PDE1C: variants seen among roughly 807,000 people sequenced by gnomAD.
PDE1C encodes the protein dual specificity calcium/calmodulin-dependent 3',5'-cyclic nucleotide phosphodiesterase 1C.
Under a neutral mutation model 93.1 loss-of-function variants are expected in PDE1C, and 62 were observed. That is an observed-to-expected ratio of 0.67 (90% confidence interval 0.54 to 0.82). PDE1C has a LOEUF of 0.82. PDE1C is among the 40% of genes least tolerant of loss of function. The pLI is 0.00. For missense variants in PDE1C, 742 were observed against 884.6 expected (o/e 0.84, Z 2.04); for synonymous variants, 325 against 310.1 (o/e 1.05, Z -0.50).
chr7:31,679,978 C>G, the PDE1C span, among the ~76,000 whole-genome samples: 7 of 152,196 alleles, frequency 4.6e-5, no homozygotes, highest in African/African-American at 1.2e-4. Context: ...TAGTTCTCTG[C>G]CGGCCTGTTC....
At chr7:31,684,296 A>G in the PDE1C span, among the ~76,000 whole-genome samples, 3 of 152,238 alleles carry the variant, frequency 2.0e-5, no homozygotes, top group Non-Finnish European at 1.5e-5. Context: ...AACTGTGGAA[A>G]TTAAGTGACA....
chr7:31,856,050 AT>A (rs913738410), intron 7 of PDE1C, among the ~76,000 whole-genome samples: 4 of 152,212 alleles, frequency 2.6e-5, no homozygotes, highest in African/African-American at 9.6e-5. Context: ...AAGTTAAACA[AT>A]AATGAGTAAT....
At chr7:31,776,202 A>G (rs1005279210) in intron 16 of PDE1C, among the ~76,000 whole-genome samples, 1 of 152,138 alleles carries the variant, frequency 6.6e-6, no homozygotes, top group East Asian at 1.9e-4. Context: ...CTTTGTCCTT[A>G]TAGGCTTTAC....
At position 32,092,551 on chromosome 7, in the gene PDE1C, T is replaced by C. The variant is rs75208767; in HGVS notation, c.308+77234A>G. 1.2e-3 allele frequency among the ~76,000 whole-genome samples: 184 copies of C among 152,286 alleles called. 3 individuals are homozygous for C. The East Asian group carries it at 0.034, about 28-fold the overall frequency. On this transcript the variant is annotated intron_variant, in intron 3 of 18. Coordinates refer to the PDE1C transcript ENST00000396193. Reference sequence around the variant, plus strand: ...TGGCTAGCCTAGGCTGCCAGGAACATGTTGAGCCATCAGCTCTGAACACAA... The same window carrying C: ...TGGCTAGCCTAGGCTGCCAGGAACACGTTGAGCCATCAGCTCTGAACACAA...
intron 2 of PDE1C, among the ~76,000 whole-genome samples, chr7:31,899,883 T>A (rs1210597572): frequency 1.3e-5 from 2 of 152,148 alleles, no homozygotes; most frequent in African/African-American, 4.8e-5. Context: ...AAATTAGCAA[T>A]GTCTGAAGAC....
chr7:31,891,434 G>A (rs1451281997), intron 2 of PDE1C, among the ~76,000 whole-genome samples: 1 of 151,920 alleles, frequency 6.6e-6, no homozygotes, highest in East Asian at 1.9e-4. Flanking sequence ...AGAGTCAAAT[G>A]GAATGTTGTA....
intron 1 of PDE1C, among the ~76,000 whole-genome samples, chr7:32,257,400 C>A (rs1452071218): frequency 1.3e-5 from 2 of 152,116 alleles, no homozygotes; most frequent in African/African-American, 4.8e-5. Flanking sequence ...TCCCAGGAAC[C>A]AACTCCATGA....
chr7:31,636,997 A>T, the PDE1C span, among the ~76,000 whole-genome samples: 4 of 149,164 alleles, frequency 2.7e-5, no homozygotes, highest in African/African-American at 9.9e-5. Context: ...TTGGTTTTTC[A>T]TCCTTGCGAT....
At chr7:32,042,673 C>T (rs1190939397) in intron 2 of PDE1C, among the ~76,000 whole-genome samples, 1 of 152,114 alleles carries the variant, frequency 6.6e-6, no homozygotes, top group Non-Finnish European at 1.5e-5. Flanking sequence ...TATTGTAAAC[C>T]AAGGATAATC....
At chr7:32,403,020 G>A (rs1484868067) in intron 1 of PDE1C, among the ~76,000 whole-genome samples, 2 of 152,122 alleles carry the variant, frequency 1.3e-5, no homozygotes, top group Admixed American at 6.6e-5. Flanking sequence ...TCAGGACTGT[G>A]GGGTGCGCCC....
At chr7:32,373,250 T>C (rs1784362853) in intron 1 of PDE1C, among the ~76,000 whole-genome samples, 1 of 152,236 alleles carries the variant, frequency 6.6e-6, no homozygotes, top group Non-Finnish European at 1.5e-5. Context: ...AAATGTAGTA[T>C]ATCCACAAAA....
chr7:31,675,522 C>G, the PDE1C span, among the ~76,000 whole-genome samples: 1 of 152,068 alleles, frequency 6.6e-6, no homozygotes, highest in Non-Finnish European at 1.5e-5. Flanking sequence ...CACCAACATC[C>G]TGTATTAAAT....
At chr7:32,027,842 C>A (rs1317746445) in intron 2 of PDE1C, among the ~76,000 whole-genome samples, 1 of 151,472 alleles carries the variant, frequency 6.6e-6, no homozygotes, top group East Asian at 1.9e-4. Context: ...GCAACAACAA[C>A]AAAAAAATCT....
intron 2 of PDE1C, among the ~76,000 whole-genome samples, chr7:32,018,095 A>C (rs1383125145): frequency 6.6e-6 from 1 of 151,794 alleles, no homozygotes; most frequent in Non-Finnish European, 1.5e-5. Flanking sequence ...TAAAAAAAAA[A>C]GAAAAACACA....
intron 16 of PDE1C, among the ~76,000 whole-genome samples, chr7:31,802,205 G>C (rs934027766): frequency 6.6e-6 from 1 of 151,162 alleles, no homozygotes; most frequent in Non-Finnish European, 1.5e-5. Flanking sequence ...TTTATCTGTT[G>C]CTGGCTAATC....
intron 2 of PDE1C, among the ~76,000 whole-genome samples, chr7:31,958,219 T>C (rs551806048): frequency 6.6e-6 from 1 of 152,330 alleles, no homozygotes; most frequent in East Asian, 1.9e-4. Context: ...ATGTGCCGTT[T>C]TCCAGGGCTC....
At chr7:31,836,397 C>T (rs1583535950) in intron 11 of PDE1C, among the ~76,000 whole-genome samples, 1 of 152,012 alleles carries the variant, frequency 6.6e-6, no homozygotes, top group Non-Finnish European at 1.5e-5. Flanking sequence ...TACGGCAGTG[C>T]GATCTCGGCT....
intron 2 of PDE1C, among the ~76,000 whole-genome samples, chr7:31,986,245 G>T (rs1470695686): frequency 3.3e-5 from 5 of 152,088 alleles, no homozygotes; most frequent in African/African-American, 9.7e-5. Flanking sequence ...AATTCTTCAT[G>T]TTCCATGCCT....
At chr7:31,929,588 C>G (rs550643172) in intron 2 of PDE1C, among the ~76,000 whole-genome samples, 1 of 152,312 alleles carries the variant, frequency 6.6e-6, no homozygotes, top group Non-Finnish European at 1.5e-5. Context: ...AACAGTCTCT[C>G]AGACAACAGT....
Sources: allele counts gnomAD v4.1 joint callset (sites outside exome capture counted in the v4.1 genomes callset), GRCh38; gene constraint gnomAD v4.1.1; transcripts MANE v1.5; gene names NCBI Gene and HGNC (gene_info 2026-07-23, HGNC 2026-07-21).